The following MITF variants were observed in gnomAD, a reference collection of about 807,000 sequenced individuals.
MITF encodes the protein melanocyte inducing transcription factor.
A neutral mutation model predicts 60.5 loss-of-function variants in MITF; 17 were observed. The ratio of observed to expected loss-of-function variants is 0.28; its 90% CI spans 0.19 to 0.42. The LOEUF is 0.42. MITF is among the 10% of genes least tolerant of loss of function. MITF has a pLI of 1.00. For synonymous variants in MITF, 260 were observed against 248.5 expected (o/e 1.05, Z -0.43); for missense variants, 622 against 683.5 (o/e 0.91, Z 1.00).
chr3:69,785,534 C>G (rs1231062758), intron 1 of MITF, among the ~76,000 whole-genome samples: 1 of 152,220 alleles, frequency 6.6e-6, no homozygotes, highest in East Asian at 1.9e-4. Context: ...GTACCATACT[C>G]TTTGACAGAA....
At position 69,770,619 on chromosome 3, in the gene MITF, G is replaced by C. The variant is rs558139795; in HGVS notation, c.104+30918G>C. 1.2e-4 allele frequency among the ~76,000 whole-genome samples: 19 copies of C among 152,288 alleles called. No individual in the cohort carries two copies. The South Asian group carries it at 2.7e-3, about 22-fold the overall frequency. ...AATCAGCATTTACTGTGTATTGACT[G>C]TGCAAAAGCAACTGCATATGAAGAG... On this transcript the variant is annotated intron_variant, in intron 1 of 9. Transcript: ENST00000352241.
At chr3:69,818,848 G>A (rs751708801) in intron 1 of MITF, among the ~76,000 whole-genome samples, 12 of 152,116 alleles carry the variant, frequency 7.9e-5, no homozygotes, top group Non-Finnish European at 1.5e-4. Context: ...TTACTCACAA[G>A]GAAAGCAATG....
At position 69,847,661 on chromosome 3, in the gene MITF, CTGA is replaced by C. The variant is rs1282719118; in HGVS notation, c.105-31468_105-31466del. 5.9e-5 allele frequency among the ~76,000 whole-genome samples: 9 copies of C among 152,186 alleles called. 1 individual carries two copies. The highest frequency in any genetic ancestry group is 1.2e-4 in the Non-Finnish European group (8 of 68,034). On this transcript the variant is annotated intron_variant, in intron 1 of 9. Coordinates refer to ENST00000352241, the MANE Select transcript of MITF (RefSeq NM_001354604.2). ...TGGATTCTGTTAGTGGCATTAGTGACTGATGATCTTTTCTGGTGAAAAATCATT... is the reference window on the plus strand; with the variant it reads ...TGGATTCTGTTAGTGGCATTAGTGACTGATCTTTTCTGGTGAAAAATCATT...
intron 1 of MITF, among the ~76,000 whole-genome samples, chr3:69,871,592 A>T (rs1240862825): frequency 6.6e-6 from 1 of 152,198 alleles, no homozygotes; most frequent in African/African-American, 2.4e-5. Context: ...CTTAGATTAC[A>T]GTTTGTACTT....
At chr3:69,946,131 T>C (rs2066089548) in intron 5 of MITF, among the ~76,000 whole-genome samples, 1 of 152,174 alleles carries the variant, frequency 6.6e-6, no homozygotes, top group South Asian at 2.1e-4. Context: ...CAGGCACTGT[T>C]TCACCTACTT....
chr3:69,848,466 C>T (rs1334990126), intron 1 of MITF, among the ~76,000 whole-genome samples: 4 of 152,296 alleles, frequency 2.6e-5, no homozygotes, highest in South Asian at 4.1e-4. Context: ...CACATTTCCT[C>T]GAGCACTCAT....
chr3:69,747,906 G>A (rs1455890507), intron 1 of MITF, among the ~76,000 whole-genome samples: 1 of 152,192 alleles, frequency 6.6e-6, no homozygotes, highest in Admixed American at 6.5e-5. Context: ...AGAGGCCTAA[G>A]TAATTGAGGA....
intron 1 of MITF, among the ~76,000 whole-genome samples, chr3:69,783,476 A>G (rs2062598929): frequency 7.0e-6 from 1 of 141,864 alleles, no homozygotes; most frequent in Non-Finnish European, 1.5e-5. Flanking sequence ...ATATTTATAT[A>G]TGATATGTAG....
At chr3:69,933,909 T>A (rs2065776706) in intron 2 of MITF, among the ~76,000 whole-genome samples, 1 of 152,210 alleles carries the variant, frequency 6.6e-6, no homozygotes, top group Non-Finnish European at 1.5e-5. Flanking sequence ...TGAATTAGGG[T>A]GGCTGAAGAC....
At chr3:69,962,262 G>C (rs994139136) in intron 9 of MITF, among the ~76,000 whole-genome samples, 16 of 152,182 alleles carry the variant, frequency 1.1e-4, no homozygotes, top group African/African-American at 3.6e-4. Flanking sequence ...TTCACTCTAA[G>C]TGATGCATGC....
At chr3:69,772,434 C>G (rs939553744) in intron 1 of MITF, among the ~76,000 whole-genome samples, 3 of 152,162 alleles carry the variant, frequency 2.0e-5, no homozygotes, top group Non-Finnish European at 4.4e-5. Flanking sequence ...GATGTCCAAT[C>G]TAAGCAAACC....
chr3:69,756,921 A>G (rs1428317449), intron 1 of MITF, among the ~76,000 whole-genome samples: 1 of 152,188 alleles, frequency 6.6e-6, no homozygotes, highest in Non-Finnish European at 1.5e-5. Context: ...TGTTGGCCGC[A>G]TAAATGTCTT....
At chr3:69,775,279 G>A (rs2062455913) in intron 1 of MITF, among the ~76,000 whole-genome samples, 1 of 152,214 alleles carries the variant, frequency 6.6e-6, no homozygotes, top group Admixed American at 6.5e-5. Flanking sequence ...CTGTAACACA[G>A]ATAGGCAGTG....
At chr3:69,769,806 C>G (rs1213307995) in intron 1 of MITF, 1 of 152,158 alleles carries the variant, frequency 6.6e-6, no homozygotes, top group Non-Finnish European at 1.5e-5. Flanking sequence ...CTCAATAATG[C>G]AATTTCTGAA....
chr3:69,801,661 G>A (rs1575735223), intron 1 of MITF, among the ~76,000 whole-genome samples: 2 of 152,308 alleles, frequency 1.3e-5, no homozygotes, highest in East Asian at 3.9e-4. Context: ...TAGATTCCAT[G>A]CAGTAGGAAG....
intron 6 of MITF, among the ~76,000 whole-genome samples, chr3:69,950,385 G>A (rs1438082699): frequency 3.4e-5 from 5 of 147,578 alleles, no homozygotes; most frequent in Non-Finnish European, 5.9e-5. Flanking sequence ...TTCTGTGTGA[G>A]GAAAAAAAAA....
intron 1 of MITF, among the ~76,000 whole-genome samples, chr3:69,817,654 A>G (rs751626627): frequency 1.1e-4 from 16 of 152,052 alleles, no homozygotes; most frequent in Non-Finnish European, 1.8e-4. Context: ...ATCATATATT[A>G]TTTCTGAAAA....
At chr3:69,792,812 C>T (rs1207620768) in intron 1 of MITF, among the ~76,000 whole-genome samples, 1 of 151,754 alleles carries the variant, frequency 6.6e-6, no homozygotes, top group Non-Finnish European at 1.5e-5. Context: ...TTGATTGATT[C>T]CTCTGCCCCA....
chr3:69,851,152 G>A (rs1575818080), intron 1 of MITF, among the ~76,000 whole-genome samples: 1 of 152,204 alleles, frequency 6.6e-6, no homozygotes, highest in African/African-American at 2.4e-5. Flanking sequence ...CTGAACTCTG[G>A]CTCATTAATG....
Sources: gnomAD v4.1 joint callset for allele counts (sites outside exome capture counted in the v4.1 genomes callset) on GRCh38, gnomAD v4.1.1 for gene constraint, MANE v1.5 for transcripts, NCBI Gene and HGNC (gene_info 2026-07-23, HGNC 2026-07-21) for gene names.